The following SLC8A1 variants were observed in gnomAD, a reference collection of about 807,000 sequenced individuals.
The protein encoded by SLC8A1 is solute carrier family 8 member A1.
A neutral mutation model predicts 68.3 loss-of-function variants in SLC8A1; 18 were observed. That is an observed-to-expected ratio of 0.26 (90% CI 0.18 to 0.39). The LOEUF (loss-of-function observed/expected upper bound fraction) is 0.39, where lower values mean the gene tolerates loss of function less well. Ranked by LOEUF, SLC8A1 falls within the 10% of genes least tolerant of loss-of-function variation. The pLI, the probability that SLC8A1 is intolerant of heterozygous loss-of-function variation, is 1.00. For synonymous variants in SLC8A1, 475 were observed against 415.5 expected (o/e 1.14, Z -1.74); for missense variants, 985 against 1,156.7 (o/e 0.85, Z 2.15).
intron 2 of SLC8A1, among the ~76,000 whole-genome samples, chr2:40,421,833 A>T (rs1272244222): frequency 6.6e-6 from 1 of 152,232 alleles, no homozygotes; most frequent in Non-Finnish European, 1.5e-5. Context: ...AAGTCTGTGA[A>T]AAGAAAGGGC....
intron 2 of SLC8A1, among the ~76,000 whole-genome samples, chr2:40,407,437 C>T (rs77515586): frequency 0.012 from 1,859 of 152,298 alleles, 33 homozygotes; most frequent in African/African-American, 0.042. Context: ...TCTATACTTC[C>T]TTCACTTCTT....
In SLC8A1 at chr2:40,392,930, A is replaced by G. The variant is rs535047499; in HGVS notation, c.1808+35543T>C. ...TACTTACTGTTTGTGCCTTGTAAGA[A>G]CTCTAAAGATTATAGTGTACTAGTA... On this transcript the variant is annotated intron_variant, in intron 2 of 7. Coordinates refer to ENST00000406785, the Ensembl canonical transcript of SLC8A1. Among the ~76,000 whole-genome samples the G allele has an allele frequency of 1.1e-4, 16 of 152,106 alleles. No homozygotes were observed. The East Asian group carries it at 3.1e-3, about 29-fold the overall frequency.
intron 7 of SLC8A1, among the ~76,000 whole-genome samples, chr2:40,127,742 G>A (rs542602388): frequency 6.6e-6 from 1 of 152,202 alleles, no homozygotes; most frequent in East Asian, 1.9e-4. Context: ...AAGTCCCCTG[G>A]GCTCCAGAGA....
chr2:40,223,200 G>C (rs1022098782), intron 2 of SLC8A1, among the ~76,000 whole-genome samples: 7 of 152,210 alleles, frequency 4.6e-5, no homozygotes, highest in Admixed American at 2.0e-4. Flanking sequence ...AAAAGGATGA[G>C]TTCATGTTCT....
At chr2:40,436,174 CT>C (rs35871086) in intron 1 of SLC8A1, among the ~76,000 whole-genome samples, 7,473 of 151,914 alleles carry the variant, frequency 0.049, 361 homozygotes, top group East Asian at 0.25. Flanking sequence ...ATTTTCATTT[CT>C]TTTTTTTCAT....
chr2:40,121,001 TTTG>T (rs769553323), intron 7 of SLC8A1, among the ~76,000 whole-genome samples: 11 of 152,162 alleles, frequency 7.2e-5, no homozygotes, highest in East Asian at 5.8e-4. Flanking sequence ...CCTGCCTTAT[TTTG>T]TTGTTGTTGT....
intron 2 of SLC8A1, among the ~76,000 whole-genome samples, chr2:40,372,842 C>G (rs1002525634): frequency 6.6e-6 from 1 of 152,056 alleles, no homozygotes. Context: ...AAGTCATTAT[C>G]TCTGGCTTTG....
chr2:40,211,477 G>C lies in SLC8A1; in HGVS notation c.1809-33622C>G, dbSNP rs140916470. Reference sequence around the variant, plus strand: ...ATGCTGAAGTGATAGTCATTATGTGGAAATTTAGCAAAGGAAAGATACTTG... The same window carrying C: ...ATGCTGAAGTGATAGTCATTATGTGCAAATTTAGCAAAGGAAAGATACTTG... On this transcript the variant is annotated intron_variant, in intron 2 of 7. Coordinates refer to ENST00000406785, the Ensembl canonical transcript of SLC8A1. Among the ~76,000 whole-genome samples the C allele has an allele frequency of 9.0e-3, 1,373 of 152,276 alleles. 16 individuals carry two copies. Among genetic ancestry groups the C allele is most frequent in the African/African-American group, 0.031 (1,301 of 41,564 alleles).
intron 2 of SLC8A1, among the ~76,000 whole-genome samples, chr2:40,329,829 C>T (rs756179430): frequency 1.7e-4 from 26 of 152,042 alleles, no homozygotes; most frequent in African/African-American, 4.3e-4. Flanking sequence ...AGTCCTGGCA[C>T]GCTGTCACAG....
chr2:40,452,204 G>C (rs1702647884), upstream of SLC8A1: 1 of 148,084 alleles, frequency 6.8e-6, no homozygotes, highest in Non-Finnish European at 1.5e-5. Flanking sequence ...TCGCCCGCCC[G>C]CCGCCCGCAG....
At chr2:40,129,706 C>T (rs570339009) in intron 7 of SLC8A1, among the ~76,000 whole-genome samples, 16 of 152,326 alleles carry the variant, frequency 1.1e-4, no homozygotes, top group African/African-American at 2.2e-4. Flanking sequence ...CACTCATTCA[C>T]ATAACACATG....
At chr2:40,101,227 T>C (rs1237611911) in exon 8 of SLC8A1, 1 of 152,148 alleles carries the variant, frequency 6.6e-6, no homozygotes, top group Non-Finnish European at 1.5e-5. Flanking sequence ...ACTGTATACA[T>C]CATCTGTGGT....
At chr2:40,354,685 T>G (rs1672155993) in intron 2 of SLC8A1, among the ~76,000 whole-genome samples, 1 of 152,064 alleles carries the variant, frequency 6.6e-6, no homozygotes, top group South Asian at 2.1e-4. Flanking sequence ...CTCTAACATA[T>G]AATATTCAGA....
chr2:40,418,643 T>C (rs765082110), intron 2 of SLC8A1, among the ~76,000 whole-genome samples: 8 of 152,228 alleles, frequency 5.3e-5, no homozygotes, highest in Non-Finnish European at 8.8e-5. Context: ...GAGTAACACA[T>C]GCTTCCCCTA....
intron 2 of SLC8A1, among the ~76,000 whole-genome samples, chr2:40,391,365 T>C (rs1685211931): frequency 6.6e-6 from 1 of 151,936 alleles, no homozygotes; most frequent in Admixed American, 6.6e-5. Flanking sequence ...GGAATAAGTG[T>C]CCTTTTAAAA....
chr2:40,415,570 T>C (rs775365336), intron 2 of SLC8A1, among the ~76,000 whole-genome samples: 26 of 152,146 alleles, frequency 1.7e-4, no homozygotes, highest in Non-Finnish European at 2.8e-4. Context: ...GCATGTTTAG[T>C]AGCCAAGCTG....
intron 2 of SLC8A1, among the ~76,000 whole-genome samples, chr2:40,369,949 T>C (rs1004008891): frequency 4.6e-5 from 7 of 152,166 alleles, no homozygotes; most frequent in Admixed American, 2.6e-4. Flanking sequence ...TTAATATCTT[T>C]GTAATATTTC....
intron 2 of SLC8A1, chr2:40,254,367 T>TATCA (rs2063520860): frequency 1.3e-5 from 2 of 151,256 alleles, no homozygotes; most frequent in African/African-American, 2.4e-5. Context: ...ATCCTTTTTC[T>TATCA]ATCAAAATGC....
chr2:40,496,818 G>T (rs928051572), intron 1 of SLC8A1, among the ~76,000 whole-genome samples: 1 of 149,950 alleles, frequency 6.7e-6, no homozygotes, highest in African/African-American at 2.5e-5. Context: ...GTAAACTACC[G>T]CAAGAACAAA....
Sources: gnomAD v4.1 joint callset for allele counts (sites outside exome capture counted in the v4.1 genomes callset) on GRCh38, gnomAD v4.1.1 for gene constraint, MANE v1.5 for transcripts, NCBI Gene and HGNC (gene_info 2026-07-23, HGNC 2026-07-21) for gene names.